LMO3: variants seen among roughly 807,000 people sequenced by gnomAD.
The protein encoded by LMO3 is LIM domain only 3.
In LMO3, 2 loss-of-function variants were observed where a neutral mutation model predicts 15.8. The ratio of observed to expected loss-of-function variants is 0.13; its 90% CI spans 0.05 to 0.40. The LOEUF (loss-of-function observed/expected upper bound fraction) is 0.40. Among genes scored for constraint, LMO3 ranks in the 10% least tolerant of loss-of-function variants. LMO3 has a pLI of 0.99. For synonymous variants in LMO3, 62 were observed against 63.8 expected (o/e 0.97, Z 0.13); for missense variants, 86 against 182.2 (o/e 0.47, Z 3.04).
intron 1 of LMO3, 71 bp from the exon 2 acceptor site, chr12:16,600,939 A>G: frequency 9.4e-7 from 1 of 1,063,196 alleles, no homozygotes; most frequent in South Asian, 1.5e-5. Flanking sequence ...AAACAAGTTA[A>G]ATATTTAATA....
chr12:16,561,090 A>C (rs953552052), intron 2 of LMO3, among the ~76,000 whole-genome samples: 3 of 152,162 alleles, frequency 2.0e-5, no homozygotes, highest in African/African-American at 7.2e-5. Flanking sequence ...ATGTTATTCA[A>C]GTAGCACATT....
intron 1 of LMO3, chr12:16,605,048 G>T: frequency 6.6e-7 from 1 of 1,512,722 alleles, no homozygotes; most frequent in Non-Finnish European, 8.8e-7. Context: ...TTTGGGAGCG[G>T]GTCGGAGTGG....
chr12:16,608,907 A>C (rs1387268878), upstream of LMO3, among the ~76,000 whole-genome samples: 1 of 152,180 alleles, frequency 6.6e-6, no homozygotes, highest in African/African-American at 2.4e-5. This position sits in a 1 kb window ranked among gnomAD's most constrained non-coding sequence, Gnocchi z 4.1. Context: ...TGACTGATGA[A>C]ATGCATTAAA....
rs1170134664 is a variant in LMO3 at position 16,555,110 on chromosome 12, T to C, written c.333-3783A>G. ...TTTGAGTATTAAACGAATGAGTACA[T>C]GTAAAACACTCAGAACGGTGTTTGG... On this transcript the variant is annotated intron_variant, in intron 3 of 3. Coordinates refer to ENST00000537304, the MANE Select transcript of LMO3 (RefSeq NM_018640.5). This position sits in a 1 kb window ranked among gnomAD's most constrained non-coding sequence, Gnocchi z 5.5. 6.6e-6 allele frequency among the ~76,000 whole-genome samples: 1 copy of C among 152,248 alleles called. No homozygotes were observed. Among genetic ancestry groups the C allele is most frequent in the East Asian group, 1.9e-4 (1 of 5,204 alleles).
chr12:16,557,698 A>C (rs988232969), intron 3 of LMO3, among the ~76,000 whole-genome samples: 1 of 152,066 alleles, frequency 6.6e-6, no homozygotes, highest in African/African-American at 2.4e-5. Flanking sequence ...ACTTTTGAGA[A>C]CCAGTTGTGT....
Position 16,555,621 on chromosome 12 carries a change from T to A in LMO3, c.333-4294A>T, listed in dbSNP as rs1445462761. On this transcript the variant is annotated intron_variant, in intron 3 of 3. Transcript: ENST00000537304. This position sits in a 1 kb window ranked among gnomAD's most constrained non-coding sequence, Gnocchi z 5.5. The stretch of plus-strand genomic sequence containing the variant: ...CATTTTGACTTTTATTTAATGGCTT[T>A]TCAAAGACTAAGTTTACAATTTCAT... 6.6e-6 allele frequency among the ~76,000 whole-genome samples: 1 copy of A among 152,230 alleles called. No homozygotes were observed. Among genetic ancestry groups the A allele is most frequent in the African/African-American group, 2.4e-5 (1 of 41,462 alleles).
intron 2 of LMO3, among the ~76,000 whole-genome samples, chr12:16,588,778 C>G (rs918121356): frequency 5.9e-5 from 9 of 152,018 alleles, no homozygotes; most frequent in Admixed American, 2.0e-4. Flanking sequence ...ATACTAGTAG[C>G]CTTTCATATT....
intron 2 of LMO3, among the ~76,000 whole-genome samples, chr12:16,563,146 C>T (rs774905164): frequency 1.3e-4 from 20 of 152,154 alleles, no homozygotes; most frequent in Non-Finnish European, 2.6e-4. Flanking sequence ...CCTAAGAGGG[C>T]GAATCTTACA....
upstream of LMO3, chr12:16,606,930 G>A (rs1253804845): frequency 6.6e-6 from 1 of 152,126 alleles, no homozygotes; most frequent in African/African-American, 2.4e-5. Context: ...AAAGCAAATT[G>A]CCTTCCAAAG....
At chr12:16,569,403 T>G (rs1474886779) in intron 2 of LMO3, among the ~76,000 whole-genome samples, 1 of 152,124 alleles carries the variant, frequency 6.6e-6, no homozygotes, top group African/African-American at 2.4e-5. Context: ...AATCATCATG[T>G]CTCTTTCTAC....
Position 16,560,602 on chromosome 12 carries a change from G to C in LMO3, c.207-64C>G. 6.9e-7 allele frequency: 1 copy of C among 1,447,750 alleles called. No homozygotes were observed. Among genetic ancestry groups the C allele is most frequent in the Admixed American group, 1.8e-5 (1 of 54,986 alleles). The allele number at this position is 1,447,750 out of a possible 1,614,324, so 89.7% of individuals were successfully genotyped here. A position where few individuals can be genotyped will look rare whatever the true frequency, so the allele number is the denominator to read the frequency against. On this transcript the variant is annotated intron_variant, in intron 2 of 3. Transcript: ENST00000537304. This position sits in a 1 kb window ranked among gnomAD's most constrained non-coding sequence, Gnocchi z 5.0. ...ACAGAGAAATCTGAGATCGTGAAGA[G>C]AGATGATGTTAATATACTCTGTAAA... is the stretch of plus-strand genomic sequence containing the variant.
In LMO3 at chr12:16,603,523, T is replaced by G. The variant is rs1417492967; in HGVS notation, c.-9+2543A>C. On this transcript the variant is annotated intron_variant, in intron 1 of 3. Transcript: ENST00000537304. This position sits in a 1 kb window ranked among gnomAD's most constrained non-coding sequence, Gnocchi z 4.9. ...TCAGAACTCATAACTAGTTTTAGATTGGCATGTAAATTGTTCTGAGGGAAA... is the reference window on the plus strand; with the variant it reads ...TCAGAACTCATAACTAGTTTTAGATGGGCATGTAAATTGTTCTGAGGGAAA... 6.6e-6 allele frequency among the ~76,000 whole-genome samples: 1 copy of G among 152,182 alleles called. No homozygotes were observed. The highest frequency in any genetic ancestry group is 6.5e-5 in the Admixed American group (1 of 15,280).
chr12:16,559,016 C>T lies in LMO3; in HGVS notation c.332+1397G>A, dbSNP rs1211869567. On this transcript the variant is annotated intron_variant, in intron 3 of 3. Coordinates refer to ENST00000537304, the MANE Select transcript of LMO3 (RefSeq NM_018640.5). The surrounding 1 kb of genome is among the most constrained non-coding windows in gnomAD (Gnocchi z 4.1). ...TATGGTGGTGCTGAAATTTGAATCC[C>T]GTTCTCACTAGAAATGTCACATTCT... Among the ~76,000 whole-genome samples the T allele has an allele frequency of 1.3e-5, 2 of 152,034 alleles. No homozygotes were observed. Among genetic ancestry groups the T allele is most frequent in the African/African-American group, 4.8e-5 (2 of 41,396 alleles).
rs1943891882 is a variant in LMO3, at chr12:16,603,491, T to C, written c.-9+2575A>G. On this transcript the variant is annotated intron_variant, in intron 1 of 3. Coordinates refer to ENST00000537304, the MANE Select transcript of LMO3 (RefSeq NM_018640.5). The surrounding 1 kb of genome is among the most constrained non-coding windows in gnomAD (Gnocchi z 4.9). ...TAAGAAACATTTCACAAGTTGCTCA[T>C]AGCACATCAGAACTCATAACTAGTT... Among the ~76,000 whole-genome samples, 1 of 152,222 alleles carries C rather than the reference T, an allele frequency of 6.6e-6. No homozygotes were observed. The highest frequency in any genetic ancestry group is 1.5e-5 in the Non-Finnish European group (1 of 68,040).
chr12:16,578,122 G>A (rs77208879), intron 2 of LMO3, among the ~76,000 whole-genome samples: 1,929 of 152,160 alleles, frequency 0.013, 38 homozygotes, highest in African/African-American at 0.045. Context: ...CAGAAGTCTT[G>A]CCAGGCAACA....
In LMO3 at chr12:16,549,250, A is replaced by G. The variant is rs558527157; in HGVS notation, c.*1972T>C. The G allele has an allele frequency of 6.6e-6, 1 of 152,230 alleles. No homozygotes were observed. Among genetic ancestry groups the G allele is most frequent in the South Asian group, 2.1e-4 (1 of 4,818 alleles). The allele number at this position is 152,230 out of a possible 1,614,324, so 9.4% of individuals were successfully genotyped here. On this transcript the variant is annotated 3_prime_UTR_variant, in exon 4 of 4. Coordinates refer to ENST00000537304, the MANE Select transcript of LMO3 (RefSeq NM_018640.5). Reference sequence around the variant, plus strand: ...CCTTTCTCTTCATGAAACAAGTGTAAGGCTCTAAGGCTAAAATAATAGTTA... The same window carrying G: ...CCTTTCTCTTCATGAAACAAGTGTAGGGCTCTAAGGCTAAAATAATAGTTA...
Position 16,605,093 on chromosome 12 carries a change from G to A in LMO3, c.-9+973C>T. The stretch of plus-strand genomic sequence containing the variant: ...GTGGGGGAAGGGATGAGGACGGCCA[G>A]ACAAGACAGGGCGCACACACGGAGC... On this transcript the variant is annotated intron_variant, in intron 1 of 3. Coordinates refer to ENST00000537304, the MANE Select transcript of LMO3 (RefSeq NM_018640.5). 4 of 1,445,644 alleles carry A rather than the reference G, an allele frequency of 2.8e-6. No homozygotes were observed. In the South Asian group the frequency reaches 5.8e-5, roughly 21 times the overall value. The allele number at this position is 1,445,644 out of a possible 1,614,324, so 89.6% of individuals were successfully genotyped here. A position where few individuals can be genotyped will look rare whatever the true frequency, so the allele number is the denominator to read the frequency against.
At chr12:16,605,705 G>A (rs1168502292) in intron 1 of LMO3, 19 of 1,429,764 alleles carry the variant, frequency 1.3e-5, no homozygotes, top group Non-Finnish European at 1.8e-5. Flanking sequence ...CTCCCCGGGA[G>A]TCAGGGGTGT....
At chr12:16,605,372 T>C in intron 1 of LMO3, 1 of 1,180,138 alleles carries the variant, frequency 8.5e-7, no homozygotes, top group Non-Finnish European at 1.1e-6. Flanking sequence ...CTCAATCTAT[T>C]AGGATATAGG....
Sources: gnomAD v4.1 joint callset for allele counts (sites outside exome capture counted in the v4.1 genomes callset) on GRCh38, gnomAD v4.1.1 for gene constraint, Gnocchi (gnomAD v3.1) non-coding constraint, MANE v1.5 for transcripts, NCBI Gene and HGNC (gene_info 2026-07-23, HGNC 2026-07-21) for gene names.